The following EPHA6 variants were observed in gnomAD, a reference collection of about 807,000 sequenced individuals.
EPHA6 encodes the protein EPH receptor A6, also known as ephrin type-A receptor 6.
In EPHA6, 50 loss-of-function variants were observed where a neutral mutation model predicts 112.0. The observed-to-expected ratio is 0.45, with a 90% CI of 0.36 to 0.56. EPHA6 has a LOEUF of 0.56. EPHA6 is among the 20% of genes least tolerant of loss of function. The probability of loss-of-function intolerance (pLI) is 0.00; values close to 1 mark genes in which losing one functional copy is unlikely to be tolerated. For synonymous variants in EPHA6, 529 were observed against 490.7 expected, an observed-to-expected ratio of 1.08 and a Z score of -1.03; for missense variants, 1,280 against 1,417.4, an observed-to-expected ratio of 0.90 and a Z score of 1.56.
intron 3 of EPHA6, among the ~76,000 whole-genome samples, chr3:97,169,116 A>C (rs2076621503): frequency 6.6e-6 from 1 of 152,158 alleles, no homozygotes; most frequent in Non-Finnish European, 1.5e-5. Context: ...CAATGTAGTC[A>C]ATTTTTCCTT....
intron 5 of EPHA6, among the ~76,000 whole-genome samples, chr3:97,295,521 T>C (rs867977470): frequency 1.3e-5 from 2 of 152,002 alleles, no homozygotes; most frequent in Non-Finnish European, 2.9e-5. Flanking sequence ...TTTTCTTGTA[T>C]GTCACTGAGG....
At chr3:97,481,723 A>G (rs1412665248) in intron 9 of EPHA6, among the ~76,000 whole-genome samples, 1 of 143,816 alleles carries the variant, frequency 7.0e-6, no homozygotes, top group African/African-American at 2.7e-5. Context: ...GAACTTTTAT[A>G]CAGTAAGTCT....
chr3:96,971,831 T>G (rs2042327301), intron 2 of EPHA6, among the ~76,000 whole-genome samples: 1 of 152,172 alleles, frequency 6.6e-6, no homozygotes, highest in Admixed American at 6.6e-5. Context: ...CCATTCTGCA[T>G]TCTTAATCTT....
chr3:96,863,501 G>C (rs896009334), intron 1 of EPHA6, among the ~76,000 whole-genome samples: 6 of 151,654 alleles, frequency 4.0e-5, no homozygotes, highest in Non-Finnish European at 7.4e-5. Context: ...ATGCAAATTT[G>C]GAATCTTATT....
In EPHA6 at chr3:96,920,953, A is replaced by G. The variant is rs922583179; in HGVS notation, c.450+54064A>G. Among the ~76,000 whole-genome samples the G allele has an allele frequency of 3.3e-5, 5 of 152,186 alleles. No homozygotes were observed. The East Asian group carries it at 7.7e-4, about 23-fold the overall frequency. On this transcript the variant is annotated intron_variant, in intron 2 of 17. Coordinates refer to ENST00000389672, the MANE Select transcript of EPHA6 (RefSeq NM_001080448.3). ...TTAATCCAAAATTGTATGGATTATCAGAGAACCCTACAAGTTATCTTTGCC... is the reference window on the plus strand; with the variant it reads ...TTAATCCAAAATTGTATGGATTATCGGAGAACCCTACAAGTTATCTTTGCC...
intron 3 of EPHA6, among the ~76,000 whole-genome samples, chr3:97,113,545 A>T (rs570379414): frequency 1.3e-5 from 2 of 152,220 alleles, no homozygotes; most frequent in South Asian, 4.1e-4. Context: ...GCCTAAGGAA[A>T]TACTCAGCTT....
chr3:97,413,476 T>C (rs2087881505), intron 6 of EPHA6, among the ~76,000 whole-genome samples: 1 of 151,934 alleles, frequency 6.6e-6, no homozygotes, highest in Non-Finnish European at 1.5e-5. Flanking sequence ...CCCCAATGAA[T>C]CTACATTTTA....
At chr3:96,973,414 A>C (rs1277988053) in intron 2 of EPHA6, among the ~76,000 whole-genome samples, 1 of 152,156 alleles carries the variant, frequency 6.6e-6, no homozygotes, top group Non-Finnish European at 1.5e-5. Flanking sequence ...AAATGTTTAG[A>C]TGTACGTAAG....
At chr3:97,473,399 A>G (rs184749784) in intron 7 of EPHA6, among the ~76,000 whole-genome samples, 27 of 151,948 alleles carry the variant, frequency 1.8e-4, no homozygotes, top group African/African-American at 5.5e-4. Context: ...TATTTGTAGA[A>G]TTAGCAGTTT....
At chr3:97,576,405 C>T (rs1184895201) in intron 11 of EPHA6, among the ~76,000 whole-genome samples, 1 of 152,136 alleles carries the variant, frequency 6.6e-6, no homozygotes, top group East Asian at 1.9e-4. Context: ...TTGCCACCTC[C>T]CTTACATCCC....
intron 13 of EPHA6, among the ~76,000 whole-genome samples, chr3:97,629,135 C>T (rs2093882818): frequency 6.6e-6 from 1 of 151,856 alleles, no homozygotes; most frequent in Admixed American, 6.6e-5. Flanking sequence ...ACTCTGTTGC[C>T]CAGGCTTGTC....
At chr3:97,668,750 C>T (rs868038588) in intron 14 of EPHA6, among the ~76,000 whole-genome samples, 4 of 151,282 alleles carry the variant, frequency 2.6e-5, no homozygotes, top group Non-Finnish European at 5.9e-5. Context: ...CCTGTCTCTA[C>T]TAAAAATACA....
intron 3 of EPHA6, among the ~76,000 whole-genome samples, chr3:97,133,795 C>G (rs1426001031): frequency 1.3e-5 from 2 of 151,816 alleles, no homozygotes; most frequent in East Asian, 3.9e-4. Context: ...CCTATACCAC[C>G]TAGGAGATCA....
chr3:96,932,368 A>G (rs559532133), intron 2 of EPHA6, among the ~76,000 whole-genome samples: 59 of 152,202 alleles, frequency 3.9e-4, no homozygotes, highest in African/African-American at 1.4e-3. Context: ...TTGGGAGAAA[A>G]TTTTCAAAAT....
intron 3 of EPHA6, among the ~76,000 whole-genome samples, chr3:97,085,930 T>TAA (rs772269462): frequency 1.7e-4 from 24 of 137,646 alleles, no homozygotes; most frequent in African/African-American, 6.7e-4. Flanking sequence ...TATGATGTCA[T>TAA]ATATATATAT....
chr3:97,184,982 T>G (rs1413085172), intron 3 of EPHA6, among the ~76,000 whole-genome samples: 1 of 152,158 alleles, frequency 6.6e-6, no homozygotes, highest in Non-Finnish European at 1.5e-5. Flanking sequence ...CCCTATTTAA[T>G]AAATGGTGCT....
At chr3:97,678,893 A>G (rs2031627012) in intron 14 of EPHA6, among the ~76,000 whole-genome samples, 1 of 152,184 alleles carries the variant, frequency 6.6e-6, no homozygotes, top group Non-Finnish European at 1.5e-5. Context: ...TACAAATAAC[A>G]TAATTAAGTC....
intron 3 of EPHA6, among the ~76,000 whole-genome samples, chr3:97,054,532 CA>C (rs200236445): frequency 1.3e-5 from 2 of 151,686 alleles, no homozygotes; most frequent in African/African-American, 2.4e-5. Flanking sequence ...TAAAATATGA[CA>C]AAAAAATCAC....
intron 13 of EPHA6, among the ~76,000 whole-genome samples, chr3:97,626,402 C>A (rs2093856888): frequency 6.6e-6 from 1 of 151,704 alleles, no homozygotes; most frequent in Non-Finnish European, 1.5e-5. Flanking sequence ...TACATGAACA[C>A]TCAACTCCCC....
Sources: allele counts gnomAD v4.1 joint callset (sites outside exome capture counted in the v4.1 genomes callset), GRCh38; gene constraint gnomAD v4.1.1; transcripts MANE v1.5; gene names NCBI Gene and HGNC (gene_info 2026-07-23, HGNC 2026-07-21).